Variants in IPMK observed in about 807,000 individuals in gnomAD.
IPMK encodes inositol polyphosphate multikinase.
In IPMK, 17 loss-of-function variants were observed where a neutral mutation model predicts 45.8. That is an observed-to-expected ratio of 0.37 (90% CI 0.25 to 0.56). IPMK has a LOEUF of 0.56. Among genes scored for constraint, IPMK ranks in the 20% least tolerant of loss-of-function variants. IPMK has a pLI of 0.79. For synonymous variants in IPMK, 180 were observed against 184.3 expected (o/e 0.98, Z 0.19); for missense variants, 399 against 498.0 (o/e 0.80, Z 1.89).
chr10:58,233,713 C>T (rs1344766005), intron 2 of IPMK, among the ~76,000 whole-genome samples: 4 of 152,048 alleles, frequency 2.6e-5, no homozygotes, highest in South Asian at 4.1e-4. Flanking sequence ...GCCAATATCA[C>T]ACGGAATGGG....
chr10:58,227,836 G>T (rs1353986127), intron 2 of IPMK, among the ~76,000 whole-genome samples: 1 of 151,928 alleles, frequency 6.6e-6, no homozygotes, highest in Non-Finnish European at 1.5e-5. Flanking sequence ...TTACAAAATG[G>T]CATGTAAGAC....
chr10:58,209,638 C>G (rs1231986619), intron 4 of IPMK, among the ~76,000 whole-genome samples: 1 of 152,208 alleles, frequency 6.6e-6, no homozygotes, highest in Non-Finnish European at 1.5e-5. Context: ...AGCACCTGCT[C>G]TAGTGGAGGT....
chr10:58,256,292 G>A (rs1289336736), intron 1 of IPMK, among the ~76,000 whole-genome samples: 1 of 152,168 alleles, frequency 6.6e-6, no homozygotes, highest in Non-Finnish European at 1.5e-5. Flanking sequence ...CCCAGGGAGA[G>A]GTCTCTAAAA....
chr10:58,220,647 T>C (rs1359772279), intron 3 of IPMK, among the ~76,000 whole-genome samples: 1 of 148,476 alleles, frequency 6.7e-6, no homozygotes, highest in South Asian at 2.1e-4. Context: ...CCTCATCCCA[T>C]AAATGCAGGT....
Position 58,227,122 on chromosome 10 carries a change from ACAGT to A in IPMK, c.290_293del (p.Asp97ValfsTer7), listed in dbSNP as rs1838430067. ...GTAGCTCTAGAAGAACACCATCAAAACAGTCAGCAGCATAAACCTGAAACAGAGA... is the reference window on the plus strand; with the variant it reads ...GTAGCTCTAGAAGAACACCATCAAAACAGCAGCATAAACCTGAAACAGAGA... On this transcript the variant is annotated frameshift_variant, in exon 3 of 6. Transcript: ENST00000373935. LOFTEE classifies it high-confidence loss of function. The A allele has an allele frequency of 6.2e-7, 1 of 1,612,880 alleles. No individual in the cohort carries two copies. Among genetic ancestry groups the A allele is most frequent in the African/African-American group, 1.3e-5 (1 of 74,916 alleles).
At chr10:58,215,407 G>A (rs11006083) in intron 4 of IPMK, among the ~76,000 whole-genome samples, 21,573 of 146,806 alleles carry the variant, frequency 0.15, 1,501 homozygotes, top group Middle Eastern at 0.19. Context: ...TGGTAGGGGG[G>A]TGGCGTTGTT....
At chr10:58,255,776 G>A (rs1838958425) in intron 1 of IPMK, among the ~76,000 whole-genome samples, 1 of 152,054 alleles carries the variant, frequency 6.6e-6, no homozygotes, top group Admixed American at 6.6e-5. Context: ...GGAAGTCAGA[G>A]ACCCCGAACG....
chr10:58,209,766 C>T (rs1838130018), intron 4 of IPMK, among the ~76,000 whole-genome samples: 1 of 152,146 alleles, frequency 6.6e-6, no homozygotes, highest in Admixed American at 6.5e-5. Context: ...AGACTGAGGA[C>T]CACTGGTTAG....
chr10:58,213,381 C>G (rs1027555712), intron 4 of IPMK, among the ~76,000 whole-genome samples: 5 of 152,138 alleles, frequency 3.3e-5, no homozygotes, highest in African/African-American at 1.2e-4. Flanking sequence ...AGGAATACCT[C>G]AGCATTTAAA....
chr10:58,197,627 G>A (rs1469052839), intron 5 of IPMK, among the ~76,000 whole-genome samples: 3 of 146,772 alleles, frequency 2.0e-5, no homozygotes, highest in African/African-American at 7.5e-5. Context: ...TCCAGCCTGC[G>A]CAACAGAACG....
At chr10:58,234,888 G>A (rs185781989) in intron 2 of IPMK, among the ~76,000 whole-genome samples, 5,121 of 151,980 alleles carry the variant, frequency 0.034, 135 homozygotes, top group African/African-American at 0.074. Flanking sequence ...CAACCTACAG[G>A]ATGGGAGAAA....
intron 2 of IPMK, among the ~76,000 whole-genome samples, chr10:58,227,546 T>A (rs567756434): frequency 1.3e-5 from 2 of 152,338 alleles, no homozygotes; most frequent in African/African-American, 4.8e-5. Context: ...CAGATAAATG[T>A]GTGTTTCTTT....
intron 1 of IPMK, among the ~76,000 whole-genome samples, chr10:58,263,128 G>A (rs1839099266): frequency 6.6e-6 from 1 of 152,226 alleles, no homozygotes; most frequent in Admixed American, 6.5e-5. Context: ...ACTCATTCCT[G>A]TAATCCTAGC....
rs371829879 is a variant in IPMK at position 58,206,237 on chromosome 10, C to T, written c.547-6916G>A. 3.3e-5 allele frequency among the ~76,000 whole-genome samples: 5 copies of T among 152,142 alleles called. No individual in the cohort carries two copies. The South Asian group carries it at 6.2e-4, about 19-fold the overall frequency. The stretch of plus-strand genomic sequence containing the variant: ...TACTGTAAATTTGATTTATATGAAT[C>T]GTCCAGAAGGGGCAAATCCATAGAG... On this transcript the variant is annotated intron_variant, in intron 4 of 5. Transcript: ENST00000373935.
Position 58,224,264 on chromosome 10 carries a change from CA to C in IPMK, c.373+2778del, listed in dbSNP as rs373449986. ...CTAGAGATTACATTTTGAAAACTCT[CA>C]ATTTTTTCAAACCTACTCGATGTTA... On this transcript the variant is annotated intron_variant, in intron 3 of 5. Transcript: ENST00000373935. Among the ~76,000 whole-genome samples, 253 of 152,270 alleles carry C rather than the reference CA, an allele frequency of 1.7e-3. 4 individuals are homozygous for C. In the Middle Eastern group the frequency reaches 0.024, roughly 14 times the overall value.
intron 4 of IPMK, among the ~76,000 whole-genome samples, chr10:58,204,314 G>T (rs998411886): frequency 6.6e-6 from 1 of 151,966 alleles, no homozygotes; most frequent in East Asian, 1.9e-4. Flanking sequence ...TTTTTTAATG[G>T]AAAGAAAACT....
In IPMK at chr10:58,196,186, C is replaced by A. The variant is rs144385789; in HGVS notation, c.1141G>T (p.Val381Leu). Residue 381 changes from valine to leucine, a missense_variant, in exon 6 of 6, where the codon GTG (valine) becomes TTG (leucine). Around this residue, in one of 2 missense-constraint regions of IPMK, gnomAD observed 288 missense variants for 398.0 expected, o/e 0.72. Coordinates refer to ENST00000373935, the MANE Select transcript of IPMK (RefSeq NM_152230.5). ...TGCQEIAEVEVRMIDFAHVFP... is the reference protein window; with the variant it reads ...TGCQEIAEVELRMIDFAHVFP... ...ACATGAGCAAAATCTATCATTCGCACTTCTACTTCAGCAATCTCTTGGCAA... is the reference window on the plus strand; with the variant it reads ...ACATGAGCAAAATCTATCATTCGCAATTCTACTTCAGCAATCTCTTGGCAA... 4.1e-5 allele frequency: 66 copies of A among 1,614,102 alleles called. No homozygotes were observed. In the East Asian group the frequency reaches 1.4e-3, roughly 35 times the overall value.
chr10:58,249,640 C>T (rs987098684), intron 1 of IPMK, among the ~76,000 whole-genome samples: 7 of 152,128 alleles, frequency 4.6e-5, no homozygotes, highest in Non-Finnish European at 8.8e-5. Flanking sequence ...TATTTTCTCC[C>T]ATTCTATAGG....
At chr10:58,212,100 C>T (rs1472792934) in intron 4 of IPMK, among the ~76,000 whole-genome samples, 1 of 151,940 alleles carries the variant, frequency 6.6e-6, no homozygotes, top group East Asian at 1.9e-4. Flanking sequence ...CAGATGTTGG[C>T]ATTGCTATGA....
Sources: allele counts gnomAD v4.1 joint callset (sites outside exome capture counted in the v4.1 genomes callset), GRCh38; gene constraint gnomAD v4.1.1; regional missense constraint gnomAD v4.1.1; transcripts MANE v1.5; gene names NCBI Gene and HGNC (gene_info 2026-07-23, HGNC 2026-07-21).